SPMIP7: variants seen among roughly 807,000 people sequenced by gnomAD.
SPMIP7 encodes the protein protein SPMIP7.
At chr7:50,096,490 T>G in the SPMIP7 span, 1 of 1,551,800 alleles carries the variant, frequency 6.4e-7, no homozygotes, top group East Asian at 2.4e-5. Flanking sequence ...ATTTTAGTGA[T>G]GTGAAACCTC....
the SPMIP7 span, chr7:50,134,215 A>G: frequency 6.5e-7 from 1 of 1,548,310 alleles, no homozygotes; most frequent in Non-Finnish European, 8.7e-7. Context: ...TTTACTCTGA[A>G]AAGATATAAA....
chr7:50,147,687 A>T, the SPMIP7 span, among the ~76,000 whole-genome samples: 3 of 152,074 alleles, frequency 2.0e-5, no homozygotes, highest in African/African-American at 7.3e-5. Flanking sequence ...CCTTCTTCTG[A>T]GTTACTAAAC....
chr7:50,135,808 A>G, the SPMIP7 span, among the ~76,000 whole-genome samples: 1 of 152,212 alleles, frequency 6.6e-6, no homozygotes, highest in African/African-American at 2.4e-5. Flanking sequence ...GCTAAGGATG[A>G]AAACTAAAAT....
the SPMIP7 span, among the ~76,000 whole-genome samples, chr7:50,099,868 C>G: frequency 2.0e-5 from 3 of 152,110 alleles, no homozygotes; most frequent in Non-Finnish European, 4.4e-5. Flanking sequence ...CCCAGGCTAC[C>G]TTCTCCATCT....
the SPMIP7 span, chr7:50,158,979 T>A: frequency 1.3e-5 from 20 of 1,487,098 alleles, no homozygotes; most frequent in Non-Finnish European, 1.8e-5. Context: ...ATTAGTTGGA[T>A]GAGGTTGTGT....
At chr7:50,145,507 T>TGTTGGG in the SPMIP7 span, among the ~76,000 whole-genome samples, 32 of 144,554 alleles carry the variant, frequency 2.2e-4, no homozygotes, top group Non-Finnish European at 3.8e-4. Context: ...ATGGAAAGAG[T>TGTTGGG]GTTGGGGTAC....
chr7:50,111,497 G>A, the SPMIP7 span, among the ~76,000 whole-genome samples: 2 of 152,052 alleles, frequency 1.3e-5, no homozygotes, highest in African/African-American at 2.4e-5. Context: ...TACTGTACAC[G>A]TGGTGACAAA....
the SPMIP7 span, chr7:50,134,014 A>G: frequency 1.0e-5 from 12 of 1,143,066 alleles, no homozygotes; most frequent in Non-Finnish European, 1.5e-5. Flanking sequence ...CCTCAGGGTC[A>G]TCTTCGGATT....
chr7:50,154,475 C>T, the SPMIP7 span, among the ~76,000 whole-genome samples: 3 of 152,154 alleles, frequency 2.0e-5, no homozygotes, highest in Non-Finnish European at 4.4e-5. Context: ...TTGTTAGATT[C>T]CACATGTAAG....
the SPMIP7 span, among the ~76,000 whole-genome samples, chr7:50,152,172 A>T: frequency 6.6e-6 from 1 of 152,160 alleles, no homozygotes; most frequent in East Asian, 1.9e-4. Context: ...ACATTGTGAA[A>T]CCTTGTCTCT....
chr7:50,141,291 C>A, the SPMIP7 span: 2 of 1,547,708 alleles, frequency 1.3e-6, no homozygotes, highest in East Asian at 4.9e-5. Flanking sequence ...TGGTCATGTG[C>A]AGTCTACAAA....
At chr7:50,145,311 C>T in the SPMIP7 span, among the ~76,000 whole-genome samples, 1 of 150,978 alleles carries the variant, frequency 6.6e-6, no homozygotes, top group Admixed American at 6.6e-5. Context: ...TTTTTATCCT[C>T]TTCAGTATAA....
chr7:50,147,268 T>A, the SPMIP7 span, among the ~76,000 whole-genome samples: 1 of 152,204 alleles, frequency 6.6e-6, no homozygotes, highest in Non-Finnish European at 1.5e-5. Flanking sequence ...TGCAGCCCAC[T>A]GTGAGCTAAT....
chr7:50,152,396 T>C, the SPMIP7 span, among the ~76,000 whole-genome samples: 4 of 152,140 alleles, frequency 2.6e-5, no homozygotes, highest in Non-Finnish European at 5.9e-5. Context: ...TACTGAAGAT[T>C]CCTTTATTTG....
At chr7:50,097,535 A>G in the SPMIP7 span, among the ~76,000 whole-genome samples, 1 of 152,164 alleles carries the variant, frequency 6.6e-6, no homozygotes. Context: ...CTTTAGACTC[A>G]GACTGTCTGG....
the SPMIP7 span, chr7:50,121,346 A>G: frequency 6.6e-6 from 1 of 152,218 alleles, no homozygotes; most frequent in Non-Finnish European, 1.5e-5. Context: ...AGGTGAACCA[A>G]CTGCAACCTA....
chr7:50,122,777 A>G, the SPMIP7 span, among the ~76,000 whole-genome samples: 2 of 151,386 alleles, frequency 1.3e-5, no homozygotes, highest in African/African-American at 2.5e-5. Context: ...GACACTTCTC[A>G]AAAGAAGACA....
chr7:50,141,213 C>T, the SPMIP7 span: 5 of 1,037,746 alleles, frequency 4.8e-6, no homozygotes, highest in South Asian at 3.0e-5. Context: ...AGTTAGAATA[C>T]TGTTCAATGG....
the SPMIP7 span, among the ~76,000 whole-genome samples, chr7:50,150,358 T>A: frequency 5.3e-5 from 8 of 152,142 alleles, no homozygotes; most frequent in Non-Finnish European, 1.2e-4. Context: ...CTGAGATGAA[T>A]GAAATTTGCA....
Sources: allele counts gnomAD v4.1 joint callset (sites outside exome capture counted in the v4.1 genomes callset), GRCh38; gene constraint gnomAD v4.1.1; transcripts MANE v1.5; gene names NCBI Gene and HGNC (gene_info 2026-07-23, HGNC 2026-07-21).